ZMYND8: variants seen among roughly 807,000 people sequenced by gnomAD.
ZMYND8 encodes MYND-type zinc finger-containing chromatin reader ZMYND8.
ZMYND8 carries 37 observed loss-of-function variants against 140.8 expected under a neutral mutation model. That is an observed-to-expected ratio of 0.26 (90% CI 0.20 to 0.35). The LOEUF (loss-of-function observed/expected upper bound fraction) is 0.35, where lower values mean the gene tolerates loss of function less well. ZMYND8 is among the 10% of genes least tolerant of loss of function. The pLI, the probability that ZMYND8 is intolerant of heterozygous loss-of-function variation, is 1.00. For missense variants in ZMYND8, 1,068 were observed against 1,570.0 expected, an observed-to-expected ratio of 0.68 and a Z score of 5.40; for synonymous variants, 592 against 597.1, an observed-to-expected ratio of 0.99 and a Z score of 0.12.
intron 1 of ZMYND8, chr20:47,348,952 G>A (rs1325164146): frequency 1.3e-5 from 2 of 152,224 alleles, no homozygotes; most frequent in East Asian, 1.9e-4. Context: ...TCCACAGGAA[G>A]AAATGGGTGC....
At position 47,246,409 on chromosome 20, in the gene ZMYND8, T is replaced by G. The variant is rs151045820; in HGVS notation, c.1883A>C (p.Gln628Pro). 2.6e-4 allele frequency: 420 copies of G among 1,614,180 alleles called. No homozygotes were observed. Among genetic ancestry groups the G allele is most frequent in the Middle Eastern group, 4.9e-4 (3 of 6,062 alleles). ...GTCTTCTGGCTCGTTCTTAGACTTCTGCTCATCATCACTGATATACTCACT... is the reference window on the plus strand; with the variant it reads ...GTCTTCTGGCTCGTTCTTAGACTTCGGCTCATCATCACTGATATACTCACT... Reference protein sequence around the residue: ...SDSEYISDDEQKSKNEPEDTE... With the variant: ...SDSEYISDDEPKSKNEPEDTE... Residue 628 changes from glutamine to proline, a missense_variant, in exon 14 of 23, where the codon CAG becomes CCG. Transcript: ENST00000471951.
At chr20:47,286,367 C>T (rs754414411) in intron 8 of ZMYND8, among the ~76,000 whole-genome samples, 66 of 151,766 alleles carry the variant, frequency 4.3e-4, no homozygotes, top group Non-Finnish European at 7.8e-4. Context: ...TTAGTGGAGA[C>T]GGGGTTTTGC....
At chr20:47,266,289 C>T (rs1364191170) in intron 11 of ZMYND8, among the ~76,000 whole-genome samples, 19 of 108,098 alleles carry the variant, frequency 1.8e-4, no homozygotes, top group East Asian at 7.8e-4. Context: ...GGGAGGGGGG[C>T]GGGGAGAGAG....
intron 2 of ZMYND8, among the ~76,000 whole-genome samples, chr20:47,315,499 G>C (rs2148286214): frequency 6.6e-6 from 1 of 152,162 alleles, no homozygotes; most frequent in East Asian, 1.9e-4. Flanking sequence ...CCTTCGGAGG[G>C]ATGAGACAGC....
intron 10 of ZMYND8, 130 bp from the exon 11 acceptor site, chr20:47,276,925 A>C (rs1166856353): frequency 8.8e-6 from 9 of 1,021,064 alleles, no homozygotes; most frequent in Non-Finnish European, 1.2e-5. Flanking sequence ...AAAAAAAAAA[A>C]AAAACTTGGT....
rs755795014 is a variant in ZMYND8, at chr20:47,276,627, G to A, written c.1167C>T (p.Tyr389=). The A allele has an allele frequency of 2.5e-6, 4 of 1,613,922 alleles. No homozygotes were observed. Among genetic ancestry groups the A allele is most frequent in the Admixed American group, 3.3e-5 (2 of 59,992 alleles). Reference sequence around the variant, plus strand: ...GCATTTGATACTGGCTGTTGGGTGTGTAGGGTGTCCTAAATGGAGAGTAAT... The same window carrying A: ...GCATTTGATACTGGCTGTTGGGTGTATAGGGTGTCCTAAATGGAGAGTAAT... ...VFNYSPFRTP[Y]TPNSQYQMLL... is the part of the protein sequence containing the mutation. The change falls in exon 11 of 23, where the codon TAC becomes TAT. Residue 389 remains tyrosine, a synonymous_variant. Coordinates refer to ENST00000471951, the MANE Select transcript of ZMYND8 (RefSeq NM_001281775.3).
intron 6 of ZMYND8, among the ~76,000 whole-genome samples, chr20:47,290,652 C>A (rs544518824): frequency 1.6e-5 from 2 of 124,766 alleles, no homozygotes; most frequent in African/African-American, 6.4e-5. Flanking sequence ...AGTGCAATGG[C>A]GTGATCTCGG....
At chr20:47,247,394 G>A (rs543726421) in intron 13 of ZMYND8, among the ~76,000 whole-genome samples, 78 of 152,274 alleles carry the variant, frequency 5.1e-4, no homozygotes, top group Non-Finnish European at 9.4e-4. Flanking sequence ...ACTGCCACTC[G>A]GTGTGCATTG....
chr20:47,284,251 G>A (rs1300759242), intron 8 of ZMYND8, among the ~76,000 whole-genome samples: 1 of 151,996 alleles, frequency 6.6e-6, no homozygotes, highest in East Asian at 1.9e-4. Context: ...ACATAAATCT[G>A]TTCTTGTCCT....
chr20:47,284,358 C>T (rs977069803), intron 8 of ZMYND8, among the ~76,000 whole-genome samples: 22 of 152,200 alleles, frequency 1.4e-4, no homozygotes, highest in African/African-American at 5.3e-4. Flanking sequence ...GATCACATAG[C>T]AATGTCTAGA....
intron 2 of ZMYND8, among the ~76,000 whole-genome samples, chr20:47,336,626 G>A (rs138780749): frequency 6.6e-6 from 1 of 152,312 alleles, no homozygotes; most frequent in Non-Finnish European, 1.5e-5. Context: ...GCCAAATTCT[G>A]CAATGAATTG....
chr20:47,268,504 A>C (rs1436961776), intron 11 of ZMYND8, among the ~76,000 whole-genome samples: 1 of 151,346 alleles, frequency 6.6e-6, no homozygotes. Context: ...CATGTTAGCC[A>C]GGATGGTCTC....
At chr20:47,322,949 T>C (rs866854576) in intron 2 of ZMYND8, among the ~76,000 whole-genome samples, 1 of 152,230 alleles carries the variant, frequency 6.6e-6, no homozygotes, top group South Asian at 2.1e-4. Context: ...TGTCGTTCAG[T>C]GTGTGGGCTC....
chr20:47,326,267 G>C (rs1017444342), intron 2 of ZMYND8, among the ~76,000 whole-genome samples: 1 of 151,446 alleles, frequency 6.6e-6, no homozygotes, highest in South Asian at 2.1e-4. Context: ...CCACCAGCTA[G>C]TTTTTGTATT....
chr20:47,332,236 G>C (rs747315329), intron 2 of ZMYND8, among the ~76,000 whole-genome samples: 3 of 152,034 alleles, frequency 2.0e-5, no homozygotes, highest in African/African-American at 7.2e-5. Context: ...ATTTGAACCC[G>C]GGAGGCAGAG....
At chr20:47,211,008 T>C (rs1048255552) in intron 22 of ZMYND8, 111 bp from the exon 23 acceptor site, 53 of 1,464,284 alleles carry the variant, frequency 3.6e-5, no homozygotes, top group South Asian at 1.8e-4. Context: ...CCCCTCCCAA[T>C]TGATGGTTCA....
chr20:47,327,744 CT>C (rs1373355049), intron 2 of ZMYND8, among the ~76,000 whole-genome samples: 4 of 152,214 alleles, frequency 2.6e-5, no homozygotes, highest in African/African-American at 9.6e-5. Flanking sequence ...TTGGGTAGAA[CT>C]CCAGAATCCC....
At chr20:47,233,295 A>G (rs943550210) in intron 16 of ZMYND8, among the ~76,000 whole-genome samples, 2 of 147,572 alleles carry the variant, frequency 1.4e-5, no homozygotes, top group African/African-American at 5.1e-5. Flanking sequence ...CTGCAGCTTC[A>G]AACTTCTGGG....
rs772321992 is a variant in ZMYND8 at position 47,294,626 on chromosome 20, C to A, written c.567+40G>T. The A allele has an allele frequency of 1.7e-5, 26 of 1,568,050 alleles. No homozygotes were observed. In the East Asian group the frequency reaches 5.6e-4, roughly 34 times the overall value. On this transcript the variant is annotated intron_variant, in intron 5 of 22. Transcript: ENST00000471951. ...TAACAGAACAAAACATATGTCATTA[C>A]GTTCATTTACGCGTATACCAAGAGG...
Sources: allele counts gnomAD v4.1 joint callset (sites outside exome capture counted in the v4.1 genomes callset), GRCh38; gene constraint gnomAD v4.1.1; transcripts MANE v1.5; gene names NCBI Gene and HGNC (gene_info 2026-07-23, HGNC 2026-07-21).